The following DPYD variants were observed in gnomAD, a reference collection of about 807,000 sequenced individuals.
DPYD encodes dihydropyrimidine dehydrogenase, also known as dihydropyrimidine dehydrogenase [NADP(+)].
In DPYD, 109 loss-of-function variants were observed where a neutral mutation model predicts 116.2. That is an observed-to-expected ratio of 0.94 (90% confidence interval 0.80 to 1.10). The LOEUF (loss-of-function observed/expected upper bound fraction) is 1.10. DPYD is among the 50% of genes least tolerant of loss of function. The pLI is 0.00. For synonymous variants in DPYD, 440 were observed against 432.0 expected, an observed-to-expected ratio of 1.02 and a Z score of -0.23; for missense variants, 1,302 against 1,254.5, an observed-to-expected ratio of 1.04 and a Z score of -0.57.
At chr1:97,160,350 AG>A (rs1655798141) in intron 20 of DPYD, among the ~76,000 whole-genome samples, 1 of 136,278 alleles carries the variant, frequency 7.3e-6, no homozygotes, top group Middle Eastern at 3.5e-3. Context: ...TTTTCCCCTA[AG>A]CTCTCCATAA....
chr1:97,724,905 G>T (rs1240402331), intron 4 of DPYD, among the ~76,000 whole-genome samples: 1 of 148,526 alleles, frequency 6.7e-6, no homozygotes, highest in African/African-American at 2.5e-5. Flanking sequence ...GGGAGGGATA[G>T]AGATAGAGAA....
Position 97,218,869 on chromosome 1 carries a change from A to G in DPYD, c.2442+15983T>C, listed in dbSNP as rs1660596869. Among the ~76,000 whole-genome samples the G allele has an allele frequency of 2.0e-5, 3 of 152,158 alleles. No homozygotes were observed. The South Asian group carries it at 6.2e-4, about 32-fold the overall frequency. ...TAATTGTAAATAGGCCTATATAAAC[A>G]TGAGTGTAGGTGTTAGGAGGATAAG... On this transcript the variant is annotated intron_variant, in intron 19 of 22. Coordinates refer to ENST00000370192, the MANE Select transcript of DPYD (RefSeq NM_000110.4).
intron 18 of DPYD, 103 bp downstream of exon 18, chr1:97,305,156 T>C (rs1667081566): frequency 6.5e-7 from 1 of 1,548,388 alleles, no homozygotes; most frequent in South Asian, 1.1e-5. Flanking sequence ...CTATGAGTTA[T>C]AAGAATTTGG....
At chr1:97,266,907 A>AT (rs1335352251) in intron 18 of DPYD, among the ~76,000 whole-genome samples, 9 of 151,962 alleles carry the variant, frequency 5.9e-5, no homozygotes, top group Non-Finnish European at 1.2e-4. Flanking sequence ...TATGTGCCAC[A>AT]TTTTCTTAAT....
chr1:97,226,951 T>A (rs1233599607), intron 19 of DPYD, among the ~76,000 whole-genome samples: 1 of 151,968 alleles, frequency 6.6e-6, no homozygotes, highest in Non-Finnish European at 1.5e-5. Flanking sequence ...CAGAATAAGA[T>A]CATAGAAATA....
intron 16 of DPYD, among the ~76,000 whole-genome samples, chr1:97,309,075 T>G (rs1478440910): frequency 6.6e-6 from 1 of 151,838 alleles, no homozygotes; most frequent in Non-Finnish European, 1.5e-5. Context: ...ATGTCTAGAT[T>G]TAAGAAAAAC....
At chr1:97,836,905 T>C (rs1669796183) in intron 2 of DPYD, among the ~76,000 whole-genome samples, 1 of 152,214 alleles carries the variant, frequency 6.6e-6, no homozygotes, top group East Asian at 1.9e-4. Context: ...TGGTACTAGA[T>C]AGATATCAAA....
intron 20 of DPYD, among the ~76,000 whole-genome samples, chr1:97,149,196 T>G (rs1033698401): frequency 6.6e-6 from 1 of 152,212 alleles, no homozygotes; most frequent in African/African-American, 2.4e-5. Flanking sequence ...TGAAAGCCCA[T>G]ATTACTGGCA....
At chr1:97,534,621 T>G (rs1243780095) in intron 12 of DPYD, among the ~76,000 whole-genome samples, 1 of 152,104 alleles carries the variant, frequency 6.6e-6, no homozygotes, top group East Asian at 1.9e-4. Flanking sequence ...TTAACAATTT[T>G]TACAACATTT....
intron 16 of DPYD, among the ~76,000 whole-genome samples, chr1:97,335,848 T>C (rs1669258803): frequency 6.6e-6 from 1 of 152,192 alleles, no homozygotes; most frequent in African/African-American, 2.4e-5. Flanking sequence ...TACTCTTTCA[T>C]ATTTTTTGTC....
At chr1:97,823,953 G>T (rs1669101066) in intron 3 of DPYD, among the ~76,000 whole-genome samples, 1 of 150,414 alleles carries the variant, frequency 6.6e-6, no homozygotes, top group Admixed American at 6.6e-5. Context: ...CATTTACTGG[G>T]TGATTGAACA....
intron 20 of DPYD, among the ~76,000 whole-genome samples, chr1:97,107,693 C>A (rs550957966): frequency 4.2e-4 from 64 of 152,180 alleles, no homozygotes; most frequent in African/African-American, 1.5e-3. Flanking sequence ...CACAACAACA[C>A]TGAGGGGCAT....
chr1:97,433,390 A>C (rs1180686982), intron 14 of DPYD, among the ~76,000 whole-genome samples: 1 of 152,140 alleles, frequency 6.6e-6, no homozygotes, highest in African/African-American at 2.4e-5. Context: ...GTTCTTTACA[A>C]TTTTAACTGG....
intron 16 of DPYD, among the ~76,000 whole-genome samples, chr1:97,364,726 T>TG (rs1222274795): frequency 6.6e-6 from 1 of 152,158 alleles, no homozygotes; most frequent in African/African-American, 2.4e-5. Flanking sequence ...CGTGTTTGTC[T>TG]GGGGGGTTGT....
chr1:97,530,930 A>G (rs181546295), intron 12 of DPYD, among the ~76,000 whole-genome samples: 1 of 152,312 alleles, frequency 6.6e-6, no homozygotes, highest in Non-Finnish European at 1.5e-5. Flanking sequence ...AAAAATATCT[A>G]TTCAAGTCCC....
At chr1:97,444,772 G>A (rs1675984510) in intron 14 of DPYD, among the ~76,000 whole-genome samples, 1 of 152,130 alleles carries the variant, frequency 6.6e-6, no homozygotes, top group Admixed American at 6.5e-5. Context: ...ACTGGACATA[G>A]GTTCTTAACC....
At chr1:97,269,167 C>A (rs1664417007) in intron 18 of DPYD, among the ~76,000 whole-genome samples, 1 of 152,062 alleles carries the variant, frequency 6.6e-6, no homozygotes, top group East Asian at 1.9e-4. Context: ...TGCAACTGCA[C>A]AAGGATAGCT....
At chr1:97,753,033 AT>A (rs1333471805) in intron 3 of DPYD, among the ~76,000 whole-genome samples, 7 of 152,194 alleles carry the variant, frequency 4.6e-5, no homozygotes, top group Non-Finnish European at 1.0e-4. Flanking sequence ...AATCTTTATA[AT>A]TTAAACATTA....
chr1:97,834,338 G>C (rs1470684478), intron 2 of DPYD, among the ~76,000 whole-genome samples: 2 of 151,114 alleles, frequency 1.3e-5, no homozygotes. Context: ...TAATCATTGA[G>C]ACACCAAGGT....
Sources: gnomAD v4.1 joint callset for allele counts (sites outside exome capture counted in the v4.1 genomes callset) on GRCh38, gnomAD v4.1.1 for gene constraint, MANE v1.5 for transcripts, NCBI Gene and HGNC (gene_info 2026-07-23, HGNC 2026-07-21) for gene names.